Variants in ZKSCAN2 observed in about 807,000 individuals in gnomAD.
ZKSCAN2 encodes zinc finger with KRAB and SCAN domains 2.
In ZKSCAN2, 38 loss-of-function variants were observed where a neutral mutation model predicts 90.5. That is an observed-to-expected ratio of 0.42 (90% CI 0.32 to 0.55). The LOEUF (loss-of-function observed/expected upper bound fraction) is 0.55. Among genes scored for constraint, ZKSCAN2 ranks in the 20% least tolerant of loss-of-function variants. The probability of loss-of-function intolerance (pLI) is 0.11; values close to 1 mark genes in which losing one functional copy is unlikely to be tolerated. For missense variants in ZKSCAN2, 1,167 were observed against 1,202.6 expected, an observed-to-expected ratio of 0.97 and a Z score of 0.44; for synonymous variants, 429 against 421.6, an observed-to-expected ratio of 1.02 and a Z score of -0.22.
chr16:25,240,800 G>C, intron 6 of ZKSCAN2, 62 bp from the exon 7 acceptor site: 1 of 1,399,558 alleles, frequency 7.1e-7, no homozygotes, highest in African/African-American at 1.4e-5. Context: ...AAACAACCTG[G>C]CTTGCAAGGC....
At position 25,244,037 on chromosome 16, in the gene ZKSCAN2, T is replaced by C. The variant is rs1300828899; in HGVS notation, c.1729A>G (p.Lys577Glu). 2.5e-6 allele frequency: 4 copies of C among 1,614,042 alleles called. No homozygotes were observed. The highest frequency in any genetic ancestry group is 4.5e-5 in the East Asian group (2 of 44,890). ...GAGTTAATCAGGGCATCCATCTCCT[T>C]GTAGAACGCGCAGGACTCTAGCACG... The part of the protein sequence containing the change: ...GHVLESCAFY[K>E]EMDALINSRA... The change falls in exon 6 of 7, where the codon AAG becomes GAG. Residue 577 changes from lysine (K) to glutamate (E), a missense_variant. Physicochemically the swap from Lys to Glu is moderately conservative, Grantham distance 56. Transcript: ENST00000328086.
intron 4 of ZKSCAN2, among the ~76,000 whole-genome samples, chr16:25,249,234 AATCT>A (rs771569083): frequency 6.6e-6 from 1 of 152,234 alleles, no homozygotes; most frequent in Non-Finnish European, 1.5e-5. Flanking sequence ...TAAATTTAGT[AATCT>A]ATTATATAGT....
chr16:25,254,337 G>A (rs536155318), intron 2 of ZKSCAN2, among the ~76,000 whole-genome samples: 47 of 152,364 alleles, frequency 3.1e-4, no homozygotes, highest in Non-Finnish European at 5.4e-4. Context: ...GGGAAGGACA[G>A]GGTATTCATT....
In ZKSCAN2 at chr16:25,239,959, C is replaced by T. The variant is rs1357525199; in HGVS notation, c.2761G>A (p.Gly921Ser). ...GEKPYGCAQCGKRFSKSSVLT... is the reference protein window; with the variant it reads ...GEKPYGCAQCSKRFSKSSVLT... ...ACAGAACTCTTACTGAAACGTTTGC[C>T]ACACTGGGCACATCCATAGGGCTTC... Residue 921 changes from glycine to serine, a missense_variant, in exon 7 of 7, where the codon GGC becomes AGC. Coordinates refer to ENST00000328086, the MANE Select transcript of ZKSCAN2 (RefSeq NM_001012981.5). 2 of 1,614,174 alleles carry T rather than the reference C, an allele frequency of 1.2e-6. No homozygotes were observed. Among genetic ancestry groups the T allele is most frequent in the Admixed American group, 1.7e-5 (1 of 59,990 alleles).
chr16:25,253,080 C>T, intron 2 of ZKSCAN2, 43 bp from the exon 3 acceptor site: 1 of 1,444,572 alleles, frequency 6.9e-7, no homozygotes, highest in Non-Finnish European at 9.7e-7. Context: ...GGGCTTTGAC[C>T]CTTTAATTCA....
chr16:25,246,754 C>T lies in ZKSCAN2; in HGVS notation c.1442G>A (p.Arg481His), dbSNP rs145224473. Residue 481 changes from arginine to histidine, a missense_variant, in exon 5 of 7, where the codon CGC becomes CAC. Coordinates refer to ENST00000328086, the MANE Select transcript of ZKSCAN2 (RefSeq NM_001012981.5). The stretch of plus-strand genomic sequence containing the variant: ...AGGGGCACCATGGATTTCAGACTTG[C>T]GGATAAATTCGATGCCTATTTCATC... ...DDDEIGIEFI[R>H]KSEIHGAPVL... is the part of the protein sequence containing the mutation. 1.6e-5 allele frequency: 26 copies of T among 1,614,200 alleles called. No homozygotes were observed. Among genetic ancestry groups the T allele is most frequent in the East Asian group, 4.5e-5 (2 of 44,892 alleles).
In ZKSCAN2 at chr16:25,240,469, G is replaced by C. The variant is rs376082233; in HGVS notation, c.2251C>G (p.Leu751Val). Residue 751 changes from leucine (L) to valine (V), a missense_variant, in exon 7 of 7, where the codon CTC (leucine) becomes GTC (valine). By Grantham distance (32) the Leu-to-Val change is conservative. Transcript: ENST00000328086. ...CTTCCAAAGCTTTCTCCATATTTGA[G>C]AAGTCTGTAGGGTCTCTTCCCCACA... ...PFVGKRPYRL[L>V]KYGESFGRST... 4.2e-5 allele frequency: 68 copies of C among 1,614,032 alleles called. 1 individual carries two copies. Among genetic ancestry groups the C allele is most frequent in the Middle Eastern group, 1.6e-4 (1 of 6,082 alleles).
intron 5 of ZKSCAN2, among the ~76,000 whole-genome samples, chr16:25,245,558 G>A (rs1304541158): frequency 9.2e-5 from 14 of 152,068 alleles, no homozygotes; most frequent in Non-Finnish European, 2.1e-4. Flanking sequence ...TTGAGGTTGG[G>A]AGTTTGAGAC....
rs1386911547 is a variant in ZKSCAN2, at chr16:25,240,602, C to G, written c.2118G>C (p.Arg706Ser). The G allele has an allele frequency of 3.1e-6, 5 of 1,614,150 alleles. No individual in the cohort carries two copies. The highest frequency in any genetic ancestry group is 1.6e-4 in the Middle Eastern group (1 of 6,062). ...CCCATTGTCTTCCTGAGATGCATTCCCTTTTGCGATATTTGCTGGGGTCGG... is the reference window on the plus strand; with the variant it reads ...CCCATTGTCTTCCTGAGATGCATTCGCTTTTGCGATATTTGCTGGGGTCGG... ...QSTDPSKYRK[R>S]ECISGRQWEN... Residue 706 changes from arginine (R) to serine (S), a missense_variant, in exon 7 of 7, where the codon AGG becomes AGC. Arg to Ser is a moderately radical substitution (Grantham distance 110). Coordinates refer to ENST00000328086, the MANE Select transcript of ZKSCAN2 (RefSeq NM_001012981.5).
rs772266628 is a variant in ZKSCAN2 at position 25,246,781 on chromosome 16, T to C, written c.1415A>G (p.Asp472Gly). 1 of 1,614,214 alleles carries C rather than the reference T, an allele frequency of 6.2e-7. No homozygotes were observed. The highest frequency in any genetic ancestry group is 1.1e-5 in the South Asian group (1 of 91,082). Reference protein sequence around the residue: ...EEEEAAEDSDDDEIGIEFIRK... With the variant: ...EEEEAAEDSDGDEIGIEFIRK... The stretch of plus-strand genomic sequence containing the variant: ...GATAAATTCGATGCCTATTTCATCA[T>C]CATCAGAATCTTCTGCAGCTTCCTC... The change falls in exon 5 of 7, where the codon GAT (aspartate) becomes GGT (glycine). Residue 472 changes from aspartate to glycine, a missense_variant. Transcript: ENST00000328086.
rs558110154 is a variant in ZKSCAN2, at chr16:25,251,523, T to C, written c.805+386A>G. ...AAAGCAAATTGAGAATTTGCCAGCT[T>C]ATGATACAAAAGAGATGAACATGTC... On this transcript the variant is annotated intron_variant, in intron 4 of 6. Coordinates refer to ENST00000328086, the MANE Select transcript of ZKSCAN2 (RefSeq NM_001012981.5). Among the ~76,000 whole-genome samples, 178 of 152,342 alleles carry C rather than the reference T, an allele frequency of 1.2e-3. 2 individuals carry two copies. The highest frequency in any genetic ancestry group is 4.1e-3 in the African/African-American group (171 of 41,572).
In ZKSCAN2 at chr16:25,257,111, T is replaced by C. The variant is rs767832318; in HGVS notation, c.17A>G (p.Asp6Gly). The C allele has an allele frequency of 1.9e-6, 3 of 1,603,872 alleles. No individual in the cohort carries two copies. Among genetic ancestry groups the C allele is most frequent in the South Asian group, 2.2e-5 (2 of 89,950 alleles). The change falls in exon 1 of 7, where the codon GAC becomes GGC. Residue 6 changes from aspartate to glycine, a missense_variant. Transcript: ENST00000328086. MAVAL[D>G]SQIDAPLEVE... The stretch of plus-strand genomic sequence containing the variant: ...CTCCAGGGGCGCGTCGATCTGAGAG[T>C]CGAGGGCGACAGCCATGCTGCAGCC...
At chr16:25,253,990 G>C (rs1406315985) in intron 2 of ZKSCAN2, among the ~76,000 whole-genome samples, 1 of 151,382 alleles carries the variant, frequency 6.6e-6, no homozygotes, top group East Asian at 1.9e-4. Context: ...CCTGGAACAA[G>C]ACTCCACCTC....
intron 4 of ZKSCAN2, among the ~76,000 whole-genome samples, chr16:25,248,282 C>CA (rs55673563): frequency 0.16 from 3,760 of 23,178 alleles, 408 homozygotes; most frequent in Non-Finnish European, 0.22. Flanking sequence ...TTCTATACAG[C>CA]AAAAAAAAAA....
intron 2 of ZKSCAN2, among the ~76,000 whole-genome samples, chr16:25,253,605 T>C (rs1350853246): frequency 6.6e-6 from 1 of 152,232 alleles, no homozygotes; most frequent in Admixed American, 6.5e-5. Flanking sequence ...TTAAAAATAA[T>C]TGTGCCATTC....
At chr16:25,243,754 T>G (rs931037170) in intron 6 of ZKSCAN2, 31 bp downstream of exon 6, 1 of 1,565,482 alleles carries the variant, frequency 6.4e-7, no homozygotes, top group Non-Finnish European at 8.6e-7. Flanking sequence ...ATTCCTCTTT[T>G]GGACTAAAAC....
Position 25,257,406 on chromosome 16 carries a change from T to A in ZKSCAN2, c.-279A>T. 8.7e-7 allele frequency: 1 copy of A among 1,147,724 alleles called. No homozygotes were observed. The highest frequency in any genetic ancestry group is 4.7e-5 in the Admixed American group (1 of 21,244). 71.1% of individuals were successfully genotyped at this position (1,147,724 alleles called of 1,614,324 possible). On this transcript the variant is annotated 5_prime_UTR_variant, in exon 1 of 7. Transcript: ENST00000328086. ...AGAGTGCATCCCTCTTAGTGCAAAG[T>A]CGGAAACCGGGAGGCTGGACGACTG...
Position 25,257,375 on chromosome 16 carries a change from T to G in ZKSCAN2, c.-248A>C. ...AACAAGATGTGACCGCGCAATGTGG[T>G]TTTCCAGAGTGCATCCCTCTTAGTG... On this transcript the variant is annotated 5_prime_UTR_variant, in exon 1 of 7. Coordinates refer to ENST00000328086, the MANE Select transcript of ZKSCAN2 (RefSeq NM_001012981.5). 1.6e-6 allele frequency: 2 copies of G among 1,239,246 alleles called. No individual in the cohort carries two copies. The highest frequency in any genetic ancestry group is 3.1e-5 in the South Asian group (1 of 32,088). 76.8% of individuals were successfully genotyped at this position (1,239,246 alleles called of 1,614,324 possible).
rs1396011233 is a variant in ZKSCAN2, at chr16:25,257,141, G to A, written c.-14C>T. On this transcript the variant is annotated 5_prime_UTR_variant, in exon 1 of 7. Coordinates refer to ENST00000328086, the MANE Select transcript of ZKSCAN2 (RefSeq NM_001012981.5). ...GGCGACAGCCATGCTGCAGCCCAGG[G>A]GTCAACTTCACGTCTAGCTCAAGGT... is the stretch of plus-strand genomic sequence containing the variant. 2.5e-6 allele frequency: 4 copies of A among 1,574,818 alleles called. No homozygotes were observed. Among genetic ancestry groups the A allele is most frequent in the Non-Finnish European group, 3.4e-6 (4 of 1,160,938 alleles).
Sources: gnomAD v4.1 joint callset for allele counts (sites outside exome capture counted in the v4.1 genomes callset) on GRCh38, gnomAD v4.1.1 for gene constraint, MANE v1.5 for transcripts, NCBI Gene and HGNC (gene_info 2026-07-23, HGNC 2026-07-21) for gene names.